Variants in ANGPT1 observed in about 807,000 individuals in gnomAD.
The protein encoded by ANGPT1 is angiopoietin 1.
A neutral mutation model predicts 62.2 loss-of-function variants in ANGPT1; 17 were observed. That is an observed-to-expected ratio of 0.27 (90% CI 0.19 to 0.41). The LOEUF (loss-of-function observed/expected upper bound fraction) is 0.41, where lower values mean the gene tolerates loss of function less well. ANGPT1 is among the 10% of genes least tolerant of loss of function. ANGPT1 has a pLI of 1.00. For synonymous variants in ANGPT1, 199 were observed against 198.9 expected, an observed-to-expected ratio of 1.00 and a Z score of 0.00; for missense variants, 478 against 594.9, an observed-to-expected ratio of 0.80 and a Z score of 2.04.
At chr8:107,358,090 T>C (rs1302011987) in intron 1 of ANGPT1, among the ~76,000 whole-genome samples, 1 of 152,190 alleles carries the variant, frequency 6.6e-6, no homozygotes, top group East Asian at 1.9e-4. Flanking sequence ...AGTGTGTGCA[T>C]ATATATGTGT....
intron 1 of ANGPT1, among the ~76,000 whole-genome samples, chr8:107,423,023 T>A (rs1448922082): frequency 6.6e-6 from 1 of 152,222 alleles, no homozygotes; most frequent in African/African-American, 2.4e-5. Flanking sequence ...ATATTATTTT[T>A]ACCAATGGCT....
At chr8:107,405,435 A>T (rs1202063481) in intron 1 of ANGPT1, among the ~76,000 whole-genome samples, 3 of 152,012 alleles carry the variant, frequency 2.0e-5, no homozygotes, top group Non-Finnish European at 4.4e-5. Flanking sequence ...TTGAGTGCTG[A>T]TATGATGCCA....
chr8:107,412,022 T>C (rs1182294866), intron 1 of ANGPT1, among the ~76,000 whole-genome samples: 1 of 152,198 alleles, frequency 6.6e-6, no homozygotes, highest in Non-Finnish European at 1.5e-5. Context: ...TTGAAGGATG[T>C]ATTTTGCATT....
rs142875725 is a variant in ANGPT1 at position 107,391,051 on chromosome 8, T to C, written c.298-43954A>G. Among the ~76,000 whole-genome samples, 512 of 152,340 alleles carry C rather than the reference T, an allele frequency of 3.4e-3. 3 individuals carry two copies. Among genetic ancestry groups the C allele is most frequent in the African/African-American group, 0.011 (453 of 41,584 alleles). On this transcript the variant is annotated intron_variant, in intron 1 of 8. Transcript: ENST00000517746. ...CATTTTTAAAGGTTGTAGATTTAAA[T>C]TGGCATACCAGTTACTAGGTACTAT...
intron 1 of ANGPT1, among the ~76,000 whole-genome samples, chr8:107,370,641 T>G (rs1477433218): frequency 7.1e-6 from 1 of 140,118 alleles, no homozygotes; most frequent in Non-Finnish European, 1.5e-5. Context: ...AGGTAGAGGT[T>G]GCAGTGAGCT....
rs1415709735 is a variant in ANGPT1, at chr8:107,297,601, AATTT to A, written c.937-3568_937-3565del. 6.7e-5 allele frequency among the ~76,000 whole-genome samples: 10 copies of A among 149,214 alleles called. No individual in the cohort carries two copies. The East Asian group carries it at 1.2e-3, about 17-fold the overall frequency. ...ATATAACATTGCATACAAATTTTAT[AATTT>A]ATTATAAATAATAGAAAATATACAA... On this transcript the variant is annotated intron_variant, in intron 5 of 8. Coordinates refer to ENST00000517746, the MANE Select transcript of ANGPT1 (RefSeq NM_001146.5).
At chr8:107,473,724 G>A (rs545823532) in intron 1 of ANGPT1, among the ~76,000 whole-genome samples, 18 of 152,092 alleles carry the variant, frequency 1.2e-4, no homozygotes, top group African/African-American at 3.4e-4. Context: ...TATCCTGCCC[G>A]ATAGTATTGT....
chr8:107,473,912 C>T (rs1045600550), intron 1 of ANGPT1, among the ~76,000 whole-genome samples: 4 of 151,906 alleles, frequency 2.6e-5, no homozygotes, highest in African/African-American at 4.8e-5. Context: ...CTTAATTGAC[C>T]AATAACAAGT....
rs1271685319 is a variant in ANGPT1, at chr8:107,402,347, A to G, written c.298-55250T>C. On this transcript the variant is annotated intron_variant, in intron 1 of 8. Transcript: ENST00000517746. ...AAAGATAAATAACAGATGCAAAGGC[A>G]AACCGAGTGGATCCTAGAGACCCTT... is the stretch of plus-strand genomic sequence containing the variant. Among the ~76,000 whole-genome samples, 4 of 152,212 alleles carry G rather than the reference A, an allele frequency of 2.6e-5. 1 individual carries two copies. The highest frequency in any genetic ancestry group is 5.9e-5 in the Non-Finnish European group (4 of 68,030).
chr8:107,477,705 TC>T (rs1162070751), intron 1 of ANGPT1, among the ~76,000 whole-genome samples: 1 of 152,178 alleles, frequency 6.6e-6, no homozygotes, highest in East Asian at 1.9e-4. Flanking sequence ...GATTTTATAT[TC>T]TATAAAACTA....
intron 4 of ANGPT1, among the ~76,000 whole-genome samples, chr8:107,303,605 T>C (rs1814647304): frequency 1.3e-5 from 2 of 151,544 alleles, no homozygotes; most frequent in Non-Finnish European, 2.9e-5. Context: ...ATATTTTACT[T>C]AATTTCTTAA....
At chr8:107,270,991 G>C (rs958084718) in intron 7 of ANGPT1, among the ~76,000 whole-genome samples, 2 of 151,846 alleles carry the variant, frequency 1.3e-5, no homozygotes, top group Non-Finnish European at 2.9e-5. Context: ...AGCAGATACA[G>C]GTAATTTGGT....
At chr8:107,440,666 G>A (rs543407323) in intron 1 of ANGPT1, among the ~76,000 whole-genome samples, 1 of 152,226 alleles carries the variant, frequency 6.6e-6, no homozygotes, top group Admixed American at 6.5e-5. Context: ...ACCATAATTG[G>A]AAAACCAAAG....
chr8:107,407,757 T>G (rs1281468252), intron 1 of ANGPT1, among the ~76,000 whole-genome samples: 1 of 152,200 alleles, frequency 6.6e-6, no homozygotes, highest in South Asian at 2.1e-4. Context: ...GTCATTTCAC[T>G]GCTCCTTGGC....
chr8:107,296,754 T>TA (rs1225418343), intron 5 of ANGPT1, among the ~76,000 whole-genome samples: 1 of 152,110 alleles, frequency 6.6e-6, no homozygotes, highest in Non-Finnish European at 1.5e-5. Flanking sequence ...TGAATGTTTT[T>TA]ATTCAAATTT....
intron 5 of ANGPT1, 197 bp from the exon 6 acceptor site, chr8:107,294,234 A>T: frequency 2.4e-6 from 1 of 418,622 alleles, no homozygotes. Context: ...TTCTGATTAA[A>T]TTCCATCAAT....
chr8:107,338,997 C>T (rs1388842427), intron 2 of ANGPT1, among the ~76,000 whole-genome samples: 2 of 152,148 alleles, frequency 1.3e-5, no homozygotes, highest in Admixed American at 6.5e-5. Flanking sequence ...TCTTATTCGC[C>T]GTACTCTCTG....
intron 4 of ANGPT1, among the ~76,000 whole-genome samples, chr8:107,309,465 G>C (rs11989718): frequency 6.6e-6 from 1 of 152,154 alleles, no homozygotes; most frequent in Admixed American, 6.5e-5. Flanking sequence ...GCATTTCATA[G>C]AGAAAACATT....
intron 6 of ANGPT1, among the ~76,000 whole-genome samples, chr8:107,286,698 T>A (rs999141574): frequency 6.6e-6 from 1 of 152,148 alleles, no homozygotes; most frequent in Non-Finnish European, 1.5e-5. Flanking sequence ...GAGTATATAC[T>A]CTTCTGAAGA....
Sources: gnomAD v4.1 joint callset for allele counts (sites outside exome capture counted in the v4.1 genomes callset) on GRCh38, gnomAD v4.1.1 for gene constraint, MANE v1.5 for transcripts, NCBI Gene and HGNC (gene_info 2026-07-23, HGNC 2026-07-21) for gene names.